Variants in CAPN10 observed in about 807,000 individuals in gnomAD.
CAPN10 encodes calpain 10.
Under a neutral mutation model 78.4 loss-of-function variants are expected in CAPN10, and 71 were observed. The ratio of observed to expected loss-of-function variants is 0.91; its 90% CI spans 0.75 to 1.10. The LOEUF is 1.10. Among genes scored for constraint, CAPN10 ranks in the 50% least tolerant of loss-of-function variants. The pLI, the probability that CAPN10 is intolerant of heterozygous loss-of-function variation, is 0.00. For missense variants in CAPN10, 849 were observed against 924.6 expected (o/e 0.92, Z 1.06); for synonymous variants, 437 against 407.2 (o/e 1.07, Z -0.88).
In CAPN10 at chr2:240,590,954, C is replaced by T. The variant is rs911328960; in HGVS notation, c.413C>T (p.Ser138Phe). The part of the protein sequence containing the change: ...LPCLAGRLCF[S>F]RCQREDVFWL... The stretch of plus-strand genomic sequence containing the variant: ...TGCCTTGCAGGGAGACTCTGTTTCT[C>T]CCGCTGCCAGAGGGAGGATGTGTTC... The change falls in exon 3 of 12, where the codon TCC (serine) becomes TTC (phenylalanine). Residue 138 changes from serine (S) to phenylalanine (F), a missense_variant. Physicochemically the swap from Ser to Phe is radical, Grantham distance 155 (BLOSUM62 -2). Transcript: ENST00000391984. 2 of 1,614,206 alleles carry T rather than the reference C, an allele frequency of 1.2e-6. No individual in the cohort carries two copies. The highest frequency in any genetic ancestry group is 1.7e-6 in the Non-Finnish European group (2 of 1,180,046).
rs889487734 is a variant in CAPN10, at chr2:240,598,769, G to C, written c.*89G>C. ...CTGGGCCGGCCAGCCTTGCACTGTG[G>C]GGGCTGGTCCTGAGTCTTGGCCTGC... On this transcript the variant is annotated 3_prime_UTR_variant, in exon 12 of 12. Coordinates refer to ENST00000391984, the MANE Select transcript of CAPN10 (RefSeq NM_023083.4). 5.5e-6 allele frequency: 7 copies of C among 1,281,620 alleles called. No individual in the cohort carries two copies. The African/African-American group carries it at 1.0e-4, about 19-fold the overall frequency. 79.4% of individuals were successfully genotyped at this position (1,281,620 alleles called of 1,614,324 possible).
chr2:240,595,649 G>A (rs1415270046), intron 7 of CAPN10, among the ~76,000 whole-genome samples: 1 of 152,230 alleles, frequency 6.6e-6, no homozygotes, highest in Non-Finnish European at 1.5e-5. Flanking sequence ...CAGCGGCTGA[G>A]GACCTGTCAG....
chr2:240,595,193 G>A lies in CAPN10; in HGVS notation c.1167G>A (p.Ala389=), dbSNP rs200832378. The part of the protein sequence containing the change: ...IAVLQRSRLH[A]ADWAGRARAL... ...TCCTGCAGAGATCCAGGCTGCACGC[G>A]GCGGACTGGGCAGGCCGGGCCCGGG... The change falls in exon 7 of 12, where the codon GCG becomes GCA. Residue 389 remains alanine (A), a synonymous_variant. Coordinates refer to ENST00000391984, the MANE Select transcript of CAPN10 (RefSeq NM_023083.4). The A allele has an allele frequency of 3.7e-5, 60 of 1,613,760 alleles. No homozygotes were observed. The East Asian group carries it at 1.0e-3, about 28-fold the overall frequency.
chr2:240,591,773 A>T (rs1313262098), intron 3 of CAPN10, 160 bp from the exon 4 acceptor site: 4 of 645,550 alleles, frequency 6.2e-6, no homozygotes, highest in Non-Finnish European at 1.1e-5. Context: ...AGGTGAGGCT[A>T]AGCCTTGACT....
intron 9 of CAPN10, 43 bp from the exon 10 acceptor site, chr2:240,597,845 C>G (rs1322420131): frequency 6.5e-7 from 1 of 1,531,778 alleles, no homozygotes; most frequent in East Asian, 2.4e-5. Context: ...GGGCTCCCTA[C>G]CCCAAGGCTG....
At position 240,594,494 on chromosome 2, in the gene CAPN10, C is replaced by T. The variant is rs747676970; in HGVS notation, c.831-49C>T. 1.8e-5 allele frequency: 28 copies of T among 1,571,756 alleles called. No individual in the cohort carries two copies. The East Asian group carries it at 6.3e-4, about 35-fold the overall frequency. ...TCCCCCCAGCCTGCCGGCAAGTTGA[C>T]ACTACCAGTTCTCGGGAGGGGCTTC... On this transcript the variant is annotated intron_variant, in intron 5 of 11. Transcript: ENST00000391984.
At chr2:240,588,737 G>A (rs1273181060) in intron 1 of CAPN10, among the ~76,000 whole-genome samples, 1 of 152,148 alleles carries the variant, frequency 6.6e-6, no homozygotes, top group African/African-American at 2.4e-5. Context: ...GTAATGAAGA[G>A]AAGCCTGAAG....
chr2:240,596,767 G>A lies in CAPN10; in HGVS notation c.1568G>A (p.Trp523Ter). 2 of 1,611,730 alleles carry A rather than the reference G, an allele frequency of 1.2e-6. No individual in the cohort carries two copies. The highest frequency in any genetic ancestry group is 1.7e-6 in the Non-Finnish European group (2 of 1,179,160). ...GGGACCGTGCAGCTACGGGGTTCTT[G>A]GAGAGTCGGCCAGACGGCGGGGGGC... ...EWGTVQLRGS[W>*]RVGQTAGGSR... is the part of the protein sequence containing the mutation. Residue 523 changes from tryptophan (W) to a stop codon, truncating the protein, a stop_gained, in exon 9 of 12, where the codon TGG becomes TAG. Coordinates refer to ENST00000391984, the MANE Select transcript of CAPN10 (RefSeq NM_023083.4). LOFTEE classifies it high-confidence loss of function.
At chr2:240,594,911 CTG>C in intron 6 of CAPN10, 111 bp from the exon 7 acceptor site, 1 of 1,026,012 alleles carries the variant, frequency 9.7e-7, no homozygotes, top group South Asian at 1.6e-5. Context: ...GGGGCTGGCT[CTG>C]TCTGTGGCCG....
chr2:240,592,749 A>G (rs1287370533), intron 4 of CAPN10: 1 of 296,164 alleles, frequency 3.4e-6, no homozygotes, highest in Non-Finnish European at 6.7e-6. Context: ...TCCCTTCCGC[A>G]CCGCTTCTCA....
intron 7 of CAPN10, among the ~76,000 whole-genome samples, chr2:240,595,593 G>C (rs1478458228): frequency 6.6e-6 from 1 of 152,236 alleles, no homozygotes; most frequent in Non-Finnish European, 1.5e-5. Context: ...CTGGACCCGG[G>C]GGGCTCCTGG....
chr2:240,594,478 C>A, intron 5 of CAPN10, 65 bp from the exon 6 acceptor site: 1 of 1,530,248 alleles, frequency 6.5e-7, no homozygotes, highest in South Asian at 1.2e-5. Flanking sequence ...TTCCCCCCAG[C>A]CTGCCGGCAA....
chr2:240,597,923 A>C lies in CAPN10; in HGVS notation c.1779A>C (p.Pro593=), dbSNP rs773687125. 2.3e-5 allele frequency: 37 copies of C among 1,611,076 alleles called. No individual in the cohort carries two copies. The highest frequency in any genetic ancestry group is 3.0e-5 in the Non-Finnish European group (35 of 1,179,360). ...GTGGAAGGAGCCAGGACGCACCCCC[A>C]CTGCTGCTGCAGGAGCCGCTGCTGA... is the stretch of plus-strand genomic sequence containing the variant. The part of the protein sequence containing the change: ...PEGGRSQDAP[P]LLLQEPLLSC... Residue 593 remains proline, a synonymous_variant, in exon 10 of 12, where the codon CCA becomes CCC. Transcript: ENST00000391984.
At chr2:240,588,916 A>G (rs1016657589) in intron 1 of CAPN10, among the ~76,000 whole-genome samples, 2 of 152,090 alleles carry the variant, frequency 1.3e-5, no homozygotes, top group Admixed American at 1.3e-4. Context: ...GGGCAAGGGC[A>G]GTGTGGATGT....
At chr2:240,594,121 CCTT>C in intron 5 of CAPN10, 74 bp downstream of exon 5, 1 of 1,445,064 alleles carries the variant, frequency 6.9e-7, no homozygotes, top group Non-Finnish European at 9.2e-7. Flanking sequence ...GTCCTGGTCA[CCTT>C]CAGCTGTCAG....
Position 240,594,484 on chromosome 2 carries a change from G to A in CAPN10, c.831-59G>A, listed in dbSNP as rs1263856416. 31 of 1,548,900 alleles carry A rather than the reference G, an allele frequency of 2.0e-5. No homozygotes were observed. The Admixed American group carries it at 2.1e-4, about 11-fold the overall frequency. ...CCTCCAGGCTTCCCCCCAGCCTGCC[G>A]GCAAGTTGACACTACCAGTTCTCGG... On this transcript the variant is annotated intron_variant, in intron 5 of 11. Transcript: ENST00000391984.
rs147601624 is a variant in CAPN10 at position 240,598,361 on chromosome 2, T to C, written c.1953T>C (p.Ile651=). Residue 651 remains isoleucine (I), a synonymous_variant, in exon 11 of 12, where the codon ATT becomes ATC. Coordinates refer to ENST00000391984, the MANE Select transcript of CAPN10 (RefSeq NM_023083.4). The stretch of plus-strand genomic sequence containing the variant: ...TGGTGTCTCTCCACAGGCCATCCAT[T>C]CACAGCCAGGAGATGCTGGGCCAGT... ...TIATRIDRPS[I]HSQEMLGQFL... is the part of the protein sequence containing the mutation. The C allele has an allele frequency of 6.2e-7, 1 of 1,613,840 alleles. No individual in the cohort carries two copies. The highest frequency in any genetic ancestry group is 1.3e-5 in the African/African-American group (1 of 75,050).
chr2:240,589,214 C>G (rs999822004), intron 1 of CAPN10, 129 bp from the exon 2 acceptor site: 1 of 1,224,316 alleles, frequency 8.2e-7, no homozygotes, highest in African/African-American at 1.5e-5. Flanking sequence ...ACCTTCCTGT[C>G]CCTTTTTGGG....
intron 5 of CAPN10, 164 bp from the exon 6 acceptor site, chr2:240,594,379 G>A (rs1170828466): frequency 1.3e-6 from 1 of 741,968 alleles, no homozygotes; most frequent in Non-Finnish European, 2.3e-6. Flanking sequence ...GCCCTGTGCT[G>A]CAGAGCTGCT....
Sources: allele counts gnomAD v4.1 joint callset (sites outside exome capture counted in the v4.1 genomes callset), GRCh38; gene constraint gnomAD v4.1.1; transcripts MANE v1.5; gene names NCBI Gene and HGNC (gene_info 2026-07-23, HGNC 2026-07-21).